SYCP2: variants seen among roughly 807,000 people sequenced by gnomAD.
The protein encoded by SYCP2 is synaptonemal complex lateral element protein.
SYCP2 carries 55 observed loss-of-function variants against 211.3 expected under a neutral mutation model. The ratio of observed to expected loss-of-function variants is 0.26; its 90% confidence interval spans 0.21 to 0.33. The LOEUF is 0.33. Ranked by LOEUF, SYCP2 falls within the 10% of genes least tolerant of loss-of-function variation. The pLI is 1.00. For missense variants in SYCP2, 1,731 were observed against 1,752.0 expected (o/e 0.99, Z 0.21); for synonymous variants, 570 against 555.2 (o/e 1.03, Z -0.37).
intron 35 of SYCP2, among the ~76,000 whole-genome samples, chr20:59,871,823 GA>G (rs1043415122): frequency 1.1e-4 from 16 of 151,308 alleles, no homozygotes; most frequent in South Asian, 2.1e-4. Context: ...ATGGTGACAA[GA>G]AAAAAAAGTC....
chr20:59,904,689 T>TTA (rs1292553092), intron 15 of SYCP2, among the ~76,000 whole-genome samples: 1 of 152,116 alleles, frequency 6.6e-6, no homozygotes, highest in Admixed American at 6.6e-5. Context: ...GAAGACTATA[T>TTA]TAGTCTGTAT....
rs114335426 is a variant in SYCP2, at chr20:59,886,773, T to C, written c.2426A>G (p.Asn809Ser). The C allele has an allele frequency of 4.7e-4, 741 of 1,592,040 alleles. 6 individuals are homozygous for C. In the African/African-American group the frequency reaches 9.5e-3, roughly 20 times the overall value. ...NVAESLISQI[N>S]KRYKTKDDIK... ...GTCATCTTTTGTTTTGTATCTTTTA[T>C]TGATTTGGCTTATCAAGGATTCTGC... is the stretch of plus-strand genomic sequence containing the variant. Residue 809 changes from asparagine to serine, a missense_variant, in exon 25 of 45, where the codon AAT becomes AGT. Around this residue, in one of 3 missense-constraint regions of SYCP2, gnomAD observed 1,387 missense variants for 1,351.3 expected, o/e 1.03. Coordinates refer to ENST00000357552, the MANE Select transcript of SYCP2 (RefSeq NM_014258.4).
Position 59,892,720 on chromosome 20 carries a change from T to G in SYCP2, c.1794-19A>C. The stretch of plus-strand genomic sequence containing the variant: ...AGGTAATCTAGAAAATAAATTAATT[T>G]GCTTAATGTTACAAAACATTAGCCT... On this transcript the variant is annotated intron_variant, in intron 22 of 44. Coordinates refer to ENST00000357552, the MANE Select transcript of SYCP2 (RefSeq NM_014258.4). 6.3e-7 allele frequency: 1 copy of G among 1,595,578 alleles called. No homozygotes were observed. Among genetic ancestry groups the G allele is most frequent in the Non-Finnish European group, 8.5e-7 (1 of 1,172,924 alleles).
At chr20:59,898,224 T>A (rs1411894440) in intron 18 of SYCP2, among the ~76,000 whole-genome samples, 1 of 152,220 alleles carries the variant, frequency 6.6e-6, no homozygotes, top group Non-Finnish European at 1.5e-5. Flanking sequence ...ACTGGGTATA[T>A]ACCGAAAGGA....
intron 17 of SYCP2, among the ~76,000 whole-genome samples, 165 bp downstream of exon 17, chr20:59,900,579 C>G (rs576547286): frequency 6.6e-6 from 1 of 152,144 alleles, no homozygotes; most frequent in South Asian, 2.1e-4. Context: ...CTAAAATTAT[C>G]ATTAATAACA....
chr20:59,894,990 G>A (rs2059979541), intron 20 of SYCP2, among the ~76,000 whole-genome samples: 1 of 151,894 alleles, frequency 6.6e-6, no homozygotes, highest in African/African-American at 2.4e-5. Context: ...TATGGGGTTA[G>A]GCACTTGACC....
Position 59,919,067 on chromosome 20 carries a change from T to C in SYCP2, c.427+91A>G, listed in dbSNP as rs911257591. 7.4e-6 allele frequency: 5 copies of C among 676,576 alleles called. No individual in the cohort carries two copies. The African/African-American group carries it at 9.5e-5, about 13-fold the overall frequency. The allele number at this position is 676,576 out of a possible 1,614,324, so 41.9% of individuals were successfully genotyped here. ...CTTGAATCAGATAATGAGTTCTTAA[T>C]ACTAGGACAACACAATGGGAATTGT... On this transcript the variant is annotated intron_variant, in intron 7 of 44. Transcript: ENST00000357552.
chr20:59,864,259 G>T lies in SYCP2; in HGVS notation c.*52C>A. The T allele has an allele frequency of 7.9e-7, 1 of 1,273,868 alleles. No individual in the cohort carries two copies. Among genetic ancestry groups the T allele is most frequent in the Non-Finnish European group, 1.1e-6 (1 of 898,582 alleles). The allele number at this position is 1,273,868 out of a possible 1,614,324, so 78.9% of individuals were successfully genotyped here. On this transcript the variant is annotated 3_prime_UTR_variant, in exon 45 of 45. Transcript: ENST00000357552. ...TTGTAGGACTATTCTTATTTCCTCA[G>T]TTATATACAGAGAATAATAATTAGA...
At chr20:59,898,949 A>G (rs181930437) in intron 18 of SYCP2, among the ~76,000 whole-genome samples, 1 of 152,336 alleles carries the variant, frequency 6.6e-6, no homozygotes, top group Non-Finnish European at 1.5e-5. Flanking sequence ...AGGTAAAATT[A>G]AATTATAGAA....
At chr20:59,919,716 G>T in intron 5 of SYCP2, 119 bp from the exon 6 acceptor site, 1 of 514,874 alleles carries the variant, frequency 1.9e-6, no homozygotes, top group African/African-American at 2.0e-5. Flanking sequence ...AAATTTTAGT[G>T]TTGTATCAAA....
In SYCP2 at chr20:59,885,436, G is replaced by C. The variant is rs187890960; in HGVS notation, c.2529+492C>G. 1.3e-5 allele frequency among the ~76,000 whole-genome samples: 2 copies of C among 152,014 alleles called. 1 individual carries two copies. The highest frequency in any genetic ancestry group is 1.3e-4 in the Admixed American group (2 of 15,244). On this transcript the variant is annotated intron_variant, in intron 26 of 44. Transcript: ENST00000357552. ...GCTAATAGGAGTTGGCCTCGACAGG[G>C]GAGAAAACATTCAAGAAGAACTTAC... is the stretch of plus-strand genomic sequence containing the variant.
chr20:59,869,775 A>G (rs1245047826), intron 36 of SYCP2, 23 bp downstream of exon 36: 8 of 1,486,850 alleles, frequency 5.4e-6, no homozygotes, highest in South Asian at 3.7e-5. Context: ...AGGAAAATTT[A>G]TAAGTTATAG....
chr20:59,869,950 C>A lies in SYCP2; in HGVS notation c.3589G>T (p.Val1197Leu). 6.2e-7 allele frequency: 1 copy of A among 1,601,990 alleles called. No homozygotes were observed. The highest frequency in any genetic ancestry group is 1.1e-5 in the South Asian group (1 of 90,286). The stretch of plus-strand genomic sequence containing the variant: ...AGAGAACTTATTTTTTTTCTATTTA[C>A]AATAGTATTACTCTTAGTTGGAGTA... ...RHTPTKSNTI[V>L]NRKKISSLVL... Residue 1197 changes from valine to leucine, a missense_variant, in exon 36 of 45, where the codon GTA becomes TTA. By Grantham distance (32) the Val-to-Leu change is conservative. This residue lies in a region of SYCP2 where 1,387 missense variants were observed against 1,351.3 expected (regional missense o/e 1.03). Transcript: ENST00000357552.
At chr20:59,933,245 C>G (rs2060804866) in intron 1 of SYCP2, 1 of 151,884 alleles carries the variant, frequency 6.6e-6, no homozygotes, top group Non-Finnish European at 1.5e-5. Flanking sequence ...ACCGAGTCGC[C>G]CACGCGCGGG....
chr20:59,899,187 T>TGTGAGACACAGATACTATGAAAGAATA (rs1243814366), intron 18 of SYCP2, among the ~76,000 whole-genome samples: 1 of 152,120 alleles, frequency 6.6e-6, no homozygotes, highest in Non-Finnish European at 1.5e-5. Context: ...AAAGAATGGA[T>TGTGAGACACAGATACTATGAAAGAATA]GTGAGACACA....
At chr20:59,888,124 T>C (rs1014782161) in intron 24 of SYCP2, among the ~76,000 whole-genome samples, 1 of 152,052 alleles carries the variant, frequency 6.6e-6, no homozygotes, top group African/African-American at 2.4e-5. Flanking sequence ...TTCTACAAGA[T>C]AGAAGAGTAG....
At chr20:59,881,093 A>G in intron 29 of SYCP2, 70 bp from the exon 30 acceptor site, 1 of 867,594 alleles carries the variant, frequency 1.2e-6, no homozygotes, top group Non-Finnish European at 1.8e-6. Context: ...TACACAATGG[A>G]CAATTAGACC....
At chr20:59,869,239 C>T (rs1171848157) in intron 36 of SYCP2, among the ~76,000 whole-genome samples, 1 of 151,624 alleles carries the variant, frequency 6.6e-6, no homozygotes, top group Non-Finnish European at 1.5e-5. Context: ...TTAAACTACT[C>T]GTCTTTCAAA....
intron 7 of SYCP2, 109 bp from the exon 8 acceptor site, chr20:59,916,680 C>G (rs1269308214): frequency 2.8e-6 from 2 of 711,402 alleles, no homozygotes; most frequent in East Asian, 2.9e-5. Flanking sequence ...TAACTCAGGC[C>G]TATAATCCTA....
Sources: allele counts gnomAD v4.1 joint callset (sites outside exome capture counted in the v4.1 genomes callset), GRCh38; gene constraint gnomAD v4.1.1; regional missense constraint gnomAD v4.1.1; transcripts MANE v1.5; gene names NCBI Gene and HGNC (gene_info 2026-07-23, HGNC 2026-07-21).